URB1: variants seen among roughly 807,000 people sequenced by gnomAD.
URB1 encodes nucleolar pre-ribosomal-associated protein 1.
Under a neutral mutation model 242.3 loss-of-function variants are expected in URB1, and 197 were observed. The ratio of observed to expected loss-of-function variants is 0.81; its 90% CI spans 0.72 to 0.91. The LOEUF is 0.91. Among genes scored for constraint, URB1 ranks in the 40% least tolerant of loss-of-function variants. The pLI, the probability that URB1 is intolerant of heterozygous loss-of-function variation, is 0.00. For missense variants in URB1, 2,721 were observed against 2,860.5 expected, an observed-to-expected ratio of 0.95 and a Z score of 1.11; for synonymous variants, 1,153 against 1,201.8, an observed-to-expected ratio of 0.96 and a Z score of 0.84.
chr21:32,341,591 G>A, intron 24 of URB1, 67 bp from the exon 25 acceptor site: 1 of 1,440,150 alleles, frequency 6.9e-7, no homozygotes. Context: ...AAAGGCCCCA[G>A]CTGCAGAGCC....
chr21:32,354,138 G>A (rs777780911), intron 17 of URB1, 35 bp from the exon 18 acceptor site: 3 of 1,550,098 alleles, frequency 1.9e-6, no homozygotes, highest in African/African-American at 1.4e-5. Context: ...GCTGATGTGA[G>A]AGCCACTGAA....
rs145507854 is a variant in URB1, at chr21:32,324,504, C to A, written c.5220G>T (p.Gln1740His). The change falls in exon 32 of 39, where the codon CAG (glutamine) becomes CAT (histidine). Residue 1740 changes from glutamine to histidine, a missense_variant. Physicochemically the swap from Gln to His is conservative, Grantham distance 24. Coordinates refer to ENST00000382751, the MANE Select transcript of URB1 (RefSeq NM_014825.3). ...TGTCAGTGGTACCTGGTTTCAAAATCTGCAGGGCTGCTTTGGCAATGAAGA... is the reference window on the plus strand; with the variant it reads ...TGTCAGTGGTACCTGGTTTCAAAATATGCAGGGCTGCTTTGGCAATGAAGA... ...LALFIAKAALQILKPEEHMYL... is the reference protein window; with the variant it reads ...LALFIAKAALHILKPEEHMYL... 1 of 1,552,018 alleles carries A rather than the reference C, an allele frequency of 6.4e-7. No homozygotes were observed. Among genetic ancestry groups the A allele is most frequent in the African/African-American group, 1.4e-5 (1 of 73,184 alleles).
In URB1 at chr21:32,359,652, T is replaced by C. The variant is rs544330754; in HGVS notation, c.1869+144A>G. On this transcript the variant is annotated intron_variant, in intron 14 of 38. Transcript: ENST00000382751. ...CTGGTTCATGAATCAGGACCTCTGC[T>C]GTGGGTCTCTCTAAAATGAGAACTG... The C allele has an allele frequency of 4.5e-6, 3 of 673,554 alleles. No homozygotes were observed. In the South Asian group the frequency reaches 7.5e-5, roughly 17 times the overall value. 41.7% of individuals were successfully genotyped at this position (673,554 alleles called of 1,614,324 possible). A position where few individuals can be genotyped will look rare whatever the true frequency, so the allele number is the denominator to read the frequency against.
chr21:32,347,113 G>C lies in URB1; in HGVS notation c.3711C>G (p.Leu1237=). ...TQAALSIAAL[L]LQESCTHLLW... is the part of the protein sequence containing the mutation. ...GCAAGTGGGTGCAGCTCTCCTGGAG[G>C]AGCAGGGCAGCGATGCTGAGGGCCG... Residue 1237 remains leucine, a synonymous_variant, in exon 22 of 39, where the codon CTC becomes CTG. Transcript: ENST00000382751. 6.5e-7 allele frequency: 1 copy of C among 1,549,794 alleles called. No homozygotes were observed.
rs2032646607 is a variant in URB1, at chr21:32,314,491, A to C, written c.*427T>G. The C allele has an allele frequency of 6.6e-7, 1 of 1,521,018 alleles. No individual in the cohort carries two copies. The highest frequency in any genetic ancestry group is 1.4e-5 in the African/African-American group (1 of 73,058). The allele number at this position is 1,521,018 out of a possible 1,614,324, so 94.2% of individuals were successfully genotyped here. ...TGAGCCACCTCACCTGCTGAAAAATAAACTTTAAACATCTCTCTTCGTTTT... is the reference window on the plus strand; with the variant it reads ...TGAGCCACCTCACCTGCTGAAAAATCAACTTTAAACATCTCTCTTCGTTTT... On this transcript the variant is annotated 3_prime_UTR_variant, in exon 39 of 39. Transcript: ENST00000382751.
chr21:32,384,295 C>T lies in URB1; in HGVS notation c.434+18G>A, dbSNP rs2033557840. ...ACCCAAAGGCCCATCCTTTGTCACA[C>T]CAAGGCAGACTGCCTACCTGTAACC... On this transcript the variant is annotated intron_variant, in intron 3 of 38. Coordinates refer to ENST00000382751, the MANE Select transcript of URB1 (RefSeq NM_014825.3). 4.5e-6 allele frequency: 7 copies of T among 1,547,476 alleles called. No homozygotes were observed. The highest frequency in any genetic ancestry group is 1.7e-4 in the Middle Eastern group (1 of 6,004).
chr21:32,348,143 T>C (rs1007484763), intron 21 of URB1, among the ~76,000 whole-genome samples: 1 of 152,126 alleles, frequency 6.6e-6, no homozygotes, highest in African/African-American at 2.4e-5. Flanking sequence ...ATTTCCAGCA[T>C]GGGAAAAGTG....
intron 21 of URB1, among the ~76,000 whole-genome samples, chr21:32,348,692 T>C (rs1021837206): frequency 2.0e-5 from 3 of 152,154 alleles, no homozygotes; most frequent in Admixed American, 6.5e-5. Flanking sequence ...CAAAGCACGA[T>C]TACATATTGA....
intron 8 of URB1, among the ~76,000 whole-genome samples, chr21:32,369,341 GTGACA>G (rs1316577138): frequency 1.3e-5 from 2 of 152,122 alleles, no homozygotes; most frequent in African/African-American, 4.8e-5. Flanking sequence ...TCCAGCCTGG[GTGACA>G]GAGTAAGACT....
chr21:32,335,416 T>A lies in URB1; in HGVS notation c.4686-1082A>T, dbSNP rs946031796. 2.4e-4 allele frequency: 37 copies of A among 152,308 alleles called. 1 individual carries two copies. The highest frequency in any genetic ancestry group is 8.7e-4 in the African/African-American group (36 of 41,458). 9.4% of individuals were successfully genotyped at this position (152,308 alleles called of 1,614,324 possible). ...ACGGGGCGTGAGTCAGCTGCCACTT[T>A]AAAAATGTCTAAATTTCTCACAGTC... On this transcript the variant is annotated intron_variant, in intron 28 of 38. Coordinates refer to ENST00000382751, the MANE Select transcript of URB1 (RefSeq NM_014825.3).
intron 36 of URB1, among the ~76,000 whole-genome samples, 189 bp downstream of exon 36, chr21:32,319,028 A>G (rs1443546852): frequency 1.3e-5 from 2 of 152,188 alleles, no homozygotes; most frequent in Non-Finnish European, 2.9e-5. Context: ...AGGGCAAAGA[A>G]AGAGCTAATA....
intron 22 of URB1, 90 bp downstream of exon 22, chr21:32,346,866 A>G: frequency 7.0e-7 from 1 of 1,432,478 alleles, no homozygotes. Context: ...CAGAACCTGA[A>G]TTTCTAGGGT....
At chr21:32,382,083 G>A (rs1472038164) in intron 4 of URB1, among the ~76,000 whole-genome samples, 1 of 152,192 alleles carries the variant, frequency 6.6e-6, no homozygotes, top group East Asian at 1.9e-4. Context: ...CGGCTTGTGT[G>A]TGGCCCTGCA....
At chr21:32,322,707 C>A (rs1486805870) in intron 32 of URB1, 123 bp from the exon 33 acceptor site, 7 of 702,620 alleles carry the variant, frequency 1.0e-5, no homozygotes, top group Non-Finnish European at 1.8e-5. Flanking sequence ...ACTTTTGTGT[C>A]CTGACCCAGA....
intron 25 of URB1, 87 bp from the exon 26 acceptor site, chr21:32,338,987 T>TTTTA (rs2032997214): frequency 7.7e-7 from 1 of 1,291,084 alleles, no homozygotes. Flanking sequence ...TTTCTCAGTA[T>TTTTA]TTTATTTATT....
intron 15 of URB1, among the ~76,000 whole-genome samples, chr21:32,356,300 G>A (rs2033219732): frequency 6.6e-6 from 1 of 152,190 alleles, no homozygotes; most frequent in Middle Eastern, 3.2e-3. Flanking sequence ...GCTTAGTTGG[G>A]AGGATCACTT....
intron 10 of URB1, 86 bp downstream of exon 10, chr21:32,366,532 A>G: frequency 6.6e-7 from 1 of 1,515,006 alleles, no homozygotes; most frequent in Non-Finnish European, 8.9e-7. Context: ...AAACACATCC[A>G]GGCCAGTTCT....
In URB1 at chr21:32,337,509, G is replaced by T; in HGVS notation, c.4516C>A (p.Leu1506Met). 1 of 1,551,538 alleles carries T rather than the reference G, an allele frequency of 6.4e-7. No individual in the cohort carries two copies. Among genetic ancestry groups the T allele is most frequent in the South Asian group, 1.2e-5 (1 of 84,038 alleles). ...ESPDSQVKEA[L>M]VDLMLTVVEM... ...ACCACCGTCAGCATCAGGTCCACCA[G>T]CGCTTCTGCAAGAAAACAACCCTGA... The change falls in exon 27 of 39, where the codon CTG becomes ATG. Residue 1506 changes from leucine (L) to methionine (M), a missense_variant. Physicochemically the swap from Leu to Met is conservative, Grantham distance 15 (BLOSUM62 2). Coordinates refer to ENST00000382751, the MANE Select transcript of URB1 (RefSeq NM_014825.3).
At position 32,368,554 on chromosome 21, in the gene URB1, GT is replaced by G. The variant is rs1160367040; in HGVS notation, c.1045del (p.Thr349LeufsTer13). The G allele has an allele frequency of 6.4e-7, 1 of 1,551,588 alleles. No homozygotes were observed. The highest frequency in any genetic ancestry group is 8.7e-7 in the Non-Finnish European group (1 of 1,147,006). On this transcript the variant is annotated frameshift_variant, in exon 9 of 39. Coordinates refer to ENST00000382751, the MANE Select transcript of URB1 (RefSeq NM_014825.3). LOFTEE classifies it high-confidence loss of function. ...AGCCACCAGATCATCATCAGCTGCA[GT>G]TTTCAAACCCAGCAAGAAGTGCAAG... ...TLLHFLLGLKTAADDDLVADL... is the reference protein window; with the variant it reads ...TLLHFLLGLKXAADDDLVADL...
Sources: gnomAD v4.1 joint callset for allele counts (sites outside exome capture counted in the v4.1 genomes callset) on GRCh38, gnomAD v4.1.1 for gene constraint, MANE v1.5 for transcripts, NCBI Gene and HGNC (gene_info 2026-07-23, HGNC 2026-07-21) for gene names.